PSMA5: variants seen among roughly 807,000 people sequenced by gnomAD.
PSMA5 encodes proteasome 20S subunit alpha 5, also known as proteasome subunit alpha type-5.
PSMA5 carries 3 observed loss-of-function variants against 34.5 expected under a neutral mutation model. The observed-to-expected ratio is 0.09, with a 90% confidence interval of 0.04 to 0.22. The LOEUF (loss-of-function observed/expected upper bound fraction) is 0.22. PSMA5 is among the 10% of genes least tolerant of loss of function. The pLI is 1.00. For synonymous variants in PSMA5, 88 were observed against 95.8 expected (o/e 0.92, Z 0.47); for missense variants, 120 against 286.1 (o/e 0.42, Z 4.19).
Position 109,411,687 on chromosome 1 carries a change from C to T in PSMA5, c.458+190G>A, listed in dbSNP as rs760585736. 4.3e-4 allele frequency among the ~76,000 whole-genome samples: 66 copies of T among 152,060 alleles called. 1 individual carries two copies. The highest frequency in any genetic ancestry group is 1.8e-4 in the Non-Finnish European group (12 of 68,016). ...CCAGGCTGGAGTGCAGTGGCATGATCATAGCTCACTACAGCCTGGATAACA... is the reference window on the plus strand; with the variant it reads ...CCAGGCTGGAGTGCAGTGGCATGATTATAGCTCACTACAGCCTGGATAACA... On this transcript the variant is annotated intron_variant, in intron 6 of 8. Transcript: ENST00000271308.
chr1:109,405,447 GTTT>G (rs11390638), intron 8 of PSMA5, among the ~76,000 whole-genome samples: 3,401 of 118,290 alleles, frequency 0.029, 113 homozygotes, highest in African/African-American at 0.1. Flanking sequence ...GTCAGAAAAG[GTTT>G]TTTTTTTTTT....
chr1:109,415,478 A>C, intron 2 of PSMA5, 115 bp from the exon 3 acceptor site: 2 of 1,113,422 alleles, frequency 1.8e-6, no homozygotes, highest in Admixed American at 2.8e-5. Context: ...GCCACATCTT[A>C]TAGGCAGAGA....
At chr1:109,418,572 G>A (rs561236922) in intron 2 of PSMA5, among the ~76,000 whole-genome samples, 62 of 152,196 alleles carry the variant, frequency 4.1e-4, no homozygotes, top group African/African-American at 1.3e-3. Context: ...CTGCCTCAGC[G>A]TCCCAAAGTG....
intron 2 of PSMA5, among the ~76,000 whole-genome samples, chr1:109,416,823 G>T (rs1319502719): frequency 6.6e-6 from 1 of 152,208 alleles, no homozygotes; most frequent in African/African-American, 2.4e-5. Context: ...TGAGTACTCA[G>T]GTTGGGCATG....
intron 2 of PSMA5, among the ~76,000 whole-genome samples, chr1:109,417,357 C>G (rs1347861172): frequency 1.3e-5 from 2 of 152,194 alleles, no homozygotes; most frequent in Admixed American, 6.5e-5. Flanking sequence ...AAGAAACAAC[C>G]TGATTTTTAT....
Position 109,411,867 on chromosome 1 carries a change from T to C in PSMA5, c.458+10A>G, listed in dbSNP as rs1654004684. The C allele has an allele frequency of 6.2e-7, 1 of 1,607,610 alleles. No individual in the cohort carries two copies. The highest frequency in any genetic ancestry group is 8.5e-7 in the Non-Finnish European group (1 of 1,174,178). ...AAAAGCATGGGGGAAAATTACAAAA[T>C]GGTACTTACAGCTGGGGTCCTTTCT... On this transcript the variant is annotated intron_variant, in intron 6 of 8. Coordinates refer to ENST00000271308, the MANE Select transcript of PSMA5 (RefSeq NM_002790.4).
chr1:109,417,373 G>A (rs1365029145), intron 2 of PSMA5, among the ~76,000 whole-genome samples: 2 of 152,110 alleles, frequency 1.3e-5, no homozygotes, highest in Non-Finnish European at 2.9e-5. Context: ...TTTATCACAG[G>A]ACCTCAAAAA....
intron 8 of PSMA5, among the ~76,000 whole-genome samples, chr1:109,408,365 AC>A (rs1653866427): frequency 6.6e-6 from 1 of 152,172 alleles, no homozygotes; most frequent in Non-Finnish European, 1.5e-5. Flanking sequence ...CCTTTTCCAG[AC>A]ATCACCTCTT....
chr1:109,402,330 A>G (rs537131373), intron 8 of PSMA5, among the ~76,000 whole-genome samples: 1 of 152,378 alleles, frequency 6.6e-6, no homozygotes, highest in Non-Finnish European at 1.5e-5. Flanking sequence ...TACTTAACCA[A>G]ATGCCTGGCA....
chr1:109,422,022 G>T, intron 1 of PSMA5, 96 bp from the exon 2 acceptor site: 1 of 673,170 alleles, frequency 1.5e-6, no homozygotes, highest in Non-Finnish European at 2.3e-6. Flanking sequence ...GATAGCTACA[G>T]AATACGCACA....
intron 8 of PSMA5, 60 bp from the exon 9 acceptor site, chr1:109,402,150 C>G (rs780904590): frequency 1.6e-6 from 2 of 1,272,708 alleles, no homozygotes; most frequent in Non-Finnish European, 2.3e-6. Context: ...ATGGCCCTAC[C>G]ATGGTCAGGA....
intron 6 of PSMA5, 124 bp downstream of exon 6, chr1:109,411,753 T>G (rs1653998992): frequency 4.3e-6 from 4 of 921,464 alleles, no homozygotes; most frequent in Non-Finnish European, 6.7e-6. Context: ...AGCCTTCAAG[T>G]AGCTGGGACT....
At chr1:109,420,188 G>C (rs1654383627) in intron 2 of PSMA5, among the ~76,000 whole-genome samples, 1 of 151,944 alleles carries the variant, frequency 6.6e-6, no homozygotes. Context: ...GCTGTGAAAA[G>C]CATTTAGTTA....
At chr1:109,411,139 A>G (rs765613290) in intron 6 of PSMA5, 26 bp from the exon 7 acceptor site, 1 of 1,563,698 alleles carries the variant, frequency 6.4e-7, no homozygotes, top group South Asian at 1.1e-5. Flanking sequence ...AATGAGGACT[A>G]AAATGCTCAG....
intron 1 of PSMA5, among the ~76,000 whole-genome samples, chr1:109,422,324 C>T (rs890911718): frequency 6.6e-6 from 1 of 152,128 alleles, no homozygotes; most frequent in African/African-American, 2.4e-5. Flanking sequence ...ATGCATATGA[C>T]GTTAATACTT....
chr1:109,421,723 T>C (rs1452652478), intron 2 of PSMA5, 137 bp downstream of exon 2: 4 of 674,032 alleles, frequency 5.9e-6, no homozygotes, highest in Non-Finnish European at 1.0e-5. Flanking sequence ...GTTATAAAAA[T>C]GGTTAACAGT....
chr1:109,405,538 A>G (rs1653722699), intron 8 of PSMA5, among the ~76,000 whole-genome samples: 2 of 150,130 alleles, frequency 1.3e-5, no homozygotes, highest in Admixed American at 6.7e-5. Flanking sequence ...CCTGGGTTCA[A>G]GCAATTCTCA....
At chr1:109,413,028 C>T (rs753973956) in intron 4 of PSMA5, 40 bp downstream of exon 4, 2 of 1,544,184 alleles carry the variant, frequency 1.3e-6, no homozygotes, top group South Asian at 1.1e-5. Context: ...AAACAAGGAA[C>T]TCAAGCATCC....
In PSMA5 at chr1:109,401,120, T is replaced by A. The variant is rs1653500504; in HGVS notation, c.*893A>T. The A allele has an allele frequency of 6.6e-6, 1 of 152,248 alleles. No individual in the cohort carries two copies. The highest frequency in any genetic ancestry group is 2.1e-4 in the South Asian group (1 of 4,838). The allele number at this position is 152,248 out of a possible 1,614,324, so 9.4% of individuals were successfully genotyped here. A position where few individuals can be genotyped will look rare whatever the true frequency, so the allele number is the denominator to read the frequency against. The stretch of plus-strand genomic sequence containing the variant: ...CTTTAAACAATCTCCACCAATCATA[T>A]GATGGCAGCTCTAATGGGGAAAGTT... On this transcript the variant is annotated 3_prime_UTR_variant, in exon 9 of 9. Transcript: ENST00000271308.
Sources: gnomAD v4.1 joint callset for allele counts (sites outside exome capture counted in the v4.1 genomes callset) on GRCh38, gnomAD v4.1.1 for gene constraint, MANE v1.5 for transcripts, NCBI Gene and HGNC (gene_info 2026-07-23, HGNC 2026-07-21) for gene names.